Variants in HRH1 observed in about 807,000 individuals in gnomAD.
The protein encoded by HRH1 is histamine H1 receptor.
Under a neutral mutation model 10.3 loss-of-function variants are expected in HRH1, and 6 were observed. The ratio of observed to expected loss-of-function variants is 0.58; its 90% CI spans 0.32 to 1.15. The LOEUF (loss-of-function observed/expected upper bound fraction) is 1.15, where lower values mean the gene tolerates loss of function less well. HRH1 is among the 50% of genes most tolerant of loss of function. HRH1 has a pLI of 0.05. For missense variants in HRH1, 514 were observed against 615.3 expected (o/e 0.84, Z 1.74); for synonymous variants, 242 against 236.7 (o/e 1.02, Z -0.21).
chr3:11,138,238 G>A (rs535469129), intron 1 of HRH1, among the ~76,000 whole-genome samples: 1 of 146,510 alleles, frequency 6.8e-6, no homozygotes, highest in South Asian at 2.1e-4. Flanking sequence ...TAGCCAGGAT[G>A]GTCTCGATCT....
chr3:11,188,848 C>T (rs543414551), intron 1 of HRH1, among the ~76,000 whole-genome samples: 11 of 152,248 alleles, frequency 7.2e-5, no homozygotes, highest in African/African-American at 1.9e-4. Context: ...TTAGAAGAGA[C>T]GTATGTTAAC....
intron 1 of HRH1, among the ~76,000 whole-genome samples, chr3:11,166,359 C>A (rs1937029546): frequency 6.6e-6 from 1 of 152,236 alleles, no homozygotes; most frequent in African/African-American, 2.4e-5. Context: ...AAATAACTCT[C>A]CTCTATTCTC....
intron 1 of HRH1, among the ~76,000 whole-genome samples, chr3:11,163,036 C>T (rs1192911678): frequency 2.0e-5 from 3 of 152,170 alleles, no homozygotes; most frequent in Non-Finnish European, 4.4e-5. Flanking sequence ...TTAAAATGTG[C>T]AGACCTGGAA....
Position 11,222,028 on chromosome 3 carries a change from G to C in HRH1, c.-35-36975G>C, listed in dbSNP as rs146975417. Reference sequence around the variant, plus strand: ...ACATGTGGGTTGCTTCCACCTTCTGGTTATTGTGAATAATGCTGCTATGAA... The same window carrying C: ...ACATGTGGGTTGCTTCCACCTTCTGCTTATTGTGAATAATGCTGCTATGAA... On this transcript the variant is annotated intron_variant, in intron 1 of 1. Coordinates refer to ENST00000431010, the MANE Select transcript of HRH1 (RefSeq NM_001098212.2). 5.9e-3 allele frequency among the ~76,000 whole-genome samples: 902 copies of C among 152,230 alleles called. 11 individuals carry two copies. Among genetic ancestry groups the C allele is most frequent in the African/African-American group, 0.019 (802 of 41,512 alleles).
intron 1 of HRH1, among the ~76,000 whole-genome samples, chr3:11,220,754 T>C (rs1225191257): frequency 6.6e-6 from 1 of 152,236 alleles, no homozygotes; most frequent in Non-Finnish European, 1.5e-5. Context: ...AAGGGTGGCC[T>C]ACCTCTCAAA....
Position 11,165,358 on chromosome 3 carries a change from G to A in HRH1, c.-36+10804G>A, listed in dbSNP as rs553442655. Among the ~76,000 whole-genome samples the A allele has an allele frequency of 2.0e-4, 31 of 152,188 alleles. 1 individual carries two copies. The highest frequency in any genetic ancestry group is 7.0e-4 in the African/African-American group (29 of 41,504). ...CAAAAGTGCCTATTTCTAGGTACTG[G>A]GCATATATCCTTTTTCCTGAGTTCC... On this transcript the variant is annotated intron_variant, in intron 1 of 1. Transcript: ENST00000431010.
chr3:11,198,356 G>A (rs369767298), intron 1 of HRH1, among the ~76,000 whole-genome samples: 1 of 152,140 alleles, frequency 6.6e-6, no homozygotes. Context: ...CTCTCCCTCT[G>A]ATCTGTATCA....
chr3:11,228,199 G>A (rs1404385782), intron 1 of HRH1, among the ~76,000 whole-genome samples: 1 of 152,064 alleles, frequency 6.6e-6, no homozygotes, highest in Non-Finnish European at 1.5e-5. Context: ...TCACAATATT[G>A]GTTGCATTGG....
At chr3:11,200,071 T>G (rs1011715104) in intron 1 of HRH1, among the ~76,000 whole-genome samples, 1 of 152,162 alleles carries the variant, frequency 6.6e-6, no homozygotes, top group Non-Finnish European at 1.5e-5. Context: ...AAGAAAGAGA[T>G]GCAGAGAGAA....
At chr3:11,167,159 CGTG>C (rs1937059634) in intron 1 of HRH1, among the ~76,000 whole-genome samples, 1 of 139,860 alleles carries the variant, frequency 7.2e-6, no homozygotes, top group African/African-American at 2.7e-5. Context: ...TCTCCAGGCC[CGTG>C]ACATCTGCTG....
At chr3:11,174,899 C>T (rs916966781) in intron 1 of HRH1, among the ~76,000 whole-genome samples, 1 of 152,162 alleles carries the variant, frequency 6.6e-6, no homozygotes, top group Non-Finnish European at 1.5e-5. Flanking sequence ...GACTGCCCCT[C>T]CACCACTCCT....
At chr3:11,212,233 A>G (rs1229886508) in intron 1 of HRH1, among the ~76,000 whole-genome samples, 1 of 152,208 alleles carries the variant, frequency 6.6e-6, no homozygotes. Context: ...GTATGTGAGA[A>G]GGCTCTGCCT....
intron 1 of HRH1, among the ~76,000 whole-genome samples, chr3:11,237,563 G>A (rs1939214231): frequency 6.6e-6 from 1 of 151,852 alleles, no homozygotes; most frequent in Non-Finnish European, 1.5e-5. Context: ...TACCAGCACG[G>A]TAAACGATTA....
At chr3:11,159,109 A>G (rs1454544058) in intron 1 of HRH1, among the ~76,000 whole-genome samples, 1 of 152,178 alleles carries the variant, frequency 6.6e-6, no homozygotes, top group Non-Finnish European at 1.5e-5. Context: ...TTAGCCAGGC[A>G]TGGTGGTGCA....
Position 11,172,340 on chromosome 3 carries a change from T to A in HRH1, c.-36+17786T>A, listed in dbSNP as rs372403136. ...GGGCAGTAGCCCTGTTGGGTCACAC[T>A]GCCCCAGCCCTCAGAGGGCCCCTGC... On this transcript the variant is annotated intron_variant, in intron 1 of 1. Coordinates refer to ENST00000431010, the MANE Select transcript of HRH1 (RefSeq NM_001098212.2). Among the ~76,000 whole-genome samples, 979 of 152,392 alleles carry A rather than the reference T, an allele frequency of 6.4e-3. 6 individuals carry two copies. The highest frequency in any genetic ancestry group is 0.028 in the South Asian group (133 of 4,830).
chr3:11,147,702 A>G (rs1488561927), intron 1 of HRH1, among the ~76,000 whole-genome samples: 1 of 152,200 alleles, frequency 6.6e-6, no homozygotes, highest in Non-Finnish European at 1.5e-5. Context: ...TAAGATCCTC[A>G]CTACACCCAG....
intron 1 of HRH1, among the ~76,000 whole-genome samples, chr3:11,201,876 C>A (rs1469039657): frequency 6.6e-6 from 1 of 152,206 alleles, no homozygotes; most frequent in Admixed American, 6.5e-5. Flanking sequence ...TAAAGGAAAT[C>A]ATTTGTCTGC....
intron 1 of HRH1, among the ~76,000 whole-genome samples, chr3:11,176,627 C>T (rs866038329): frequency 6.6e-6 from 1 of 152,116 alleles, no homozygotes; most frequent in Non-Finnish European, 1.5e-5. Context: ...CTCAGGAAAT[C>T]GGCTAGCTAA....
chr3:11,235,027 A>G (rs1326601435), intron 1 of HRH1, among the ~76,000 whole-genome samples: 1 of 152,078 alleles, frequency 6.6e-6, no homozygotes, highest in Non-Finnish European at 1.5e-5. Flanking sequence ...CATCCTGGCT[A>G]ACACAGTGAA....
Sources: gnomAD v4.1 joint callset for allele counts (sites outside exome capture counted in the v4.1 genomes callset) on GRCh38, gnomAD v4.1.1 for gene constraint, MANE v1.5 for transcripts, NCBI Gene and HGNC (gene_info 2026-07-23, HGNC 2026-07-21) for gene names.